The following PER2 variants were observed in gnomAD, a reference collection of about 807,000 sequenced individuals.
PER2 encodes the protein period circadian regulator 2, also known as period circadian protein homolog 2.
PER2 carries 66 observed loss-of-function variants against 121.0 expected under a neutral mutation model. That is an observed-to-expected ratio of 0.55 (90% confidence interval 0.45 to 0.67). PER2 has a LOEUF of 0.67. PER2 is among the 30% of genes least tolerant of loss of function. The pLI, the probability that PER2 is intolerant of heterozygous loss-of-function variation, is 0.00. For synonymous variants in PER2, 684 were observed against 659.9 expected, an observed-to-expected ratio of 1.04 and a Z score of -0.56; for missense variants, 1,521 against 1,635.0, an observed-to-expected ratio of 0.93 and a Z score of 1.20.
chr2:238,282,166 T>C (rs1676121506), intron 1 of PER2, among the ~76,000 whole-genome samples: 2 of 152,214 alleles, frequency 1.3e-5, no homozygotes, highest in African/African-American at 4.8e-5. Context: ...CTCCTGGGCA[T>C]GTCCTGTTAA....
chr2:238,288,882 G>T (rs1445688036), upstream of PER2, among the ~76,000 whole-genome samples: 1 of 152,018 alleles, frequency 6.6e-6, no homozygotes, highest in Non-Finnish European at 1.5e-5. Flanking sequence ...ATGAGGGGCG[G>T]GGCCTACGAA....
At chr2:238,294,689 A>G (rs779133374), upstream of PER2, among the ~76,000 whole-genome samples, 3 of 152,206 alleles carry the variant, frequency 2.0e-5, no homozygotes, top group Non-Finnish European at 2.9e-5. Context: ...TATGTCATCA[A>G]GGAGAAACCA....
Position 238,277,205 on chromosome 2 carries a change from A to G in PER2, c.231-12T>C, listed in dbSNP as rs1696482399. 6.2e-7 allele frequency: 1 copy of G among 1,602,622 alleles called. No homozygotes were observed. The highest frequency in any genetic ancestry group is 8.5e-7 in the Non-Finnish European group (1 of 1,169,648). On this transcript the variant is annotated splice_polypyrimidine_tract_variant and intron_variant, in intron 2 of 22. Coordinates refer to ENST00000254657, the MANE Select transcript of PER2 (RefSeq NM_022817.3). ...TAAAGGTATCTGGACTATGAAAACA[A>G]AAAATAAAAGCAAAATTTAGACAAT... is the stretch of plus-strand genomic sequence containing the variant.
At chr2:238,283,081 C>T (rs774662441) in intron 1 of PER2, among the ~76,000 whole-genome samples, 4 of 152,208 alleles carry the variant, frequency 2.6e-5, no homozygotes, top group South Asian at 2.1e-4. Flanking sequence ...CACTGTCCTG[C>T]CTGCTGCCAA....
At chr2:238,285,942 T>C (rs951214739) in intron 1 of PER2, among the ~76,000 whole-genome samples, 1 of 152,164 alleles carries the variant, frequency 6.6e-6, no homozygotes, top group Non-Finnish European at 1.5e-5. Flanking sequence ...AGAAAATGTT[T>C]GTCCTGCTAA....
intron 14 of PER2, 149 bp downstream of exon 14, chr2:238,259,820 T>G (rs1197498128): frequency 3.3e-6 from 2 of 613,636 alleles, no homozygotes; most frequent in African/African-American, 3.7e-5. Context: ...TCTTGGAAGC[T>G]GCAGACTGTG....
In PER2 at chr2:238,277,882, C is replaced by T. The variant is rs1696505445; in HGVS notation, c.55G>A (p.Val19Met). 1 of 1,614,014 alleles carries T rather than the reference C, an allele frequency of 6.2e-7. No homozygotes were observed. Among genetic ancestry groups the T allele is most frequent in the Admixed American group, 1.7e-5 (1 of 60,006 alleles). ...PSPSNPTKEP[V>M]EPQPSQVPLQ... is the part of the protein sequence containing the mutation. ...GGGACCTGGCTGGGCTGGGGCTCCA[C>T]GGGCTCCTTGGTGGGGTTACTGGGG... The change falls in exon 2 of 23, where the codon GTG (valine) becomes ATG (methionine). Residue 19 changes from valine (V) to methionine (M), a missense_variant. Physicochemically the swap from Val to Met is conservative, Grantham distance 21 (BLOSUM62 1). Transcript: ENST00000254657.
intron 18 of PER2, 85 bp downstream of exon 18, chr2:238,255,572 T>C (rs1474878985): frequency 1.6e-5 from 21 of 1,344,464 alleles, no homozygotes; most frequent in Non-Finnish European, 1.9e-5. Context: ...ACTGGACACA[T>C]TTCACATTTT....
Position 238,253,164 on chromosome 2 carries a change from G to C in PER2, c.2859C>G (p.Thr953=), listed in dbSNP as rs145633419. ...AAGCACATGGCTGTCTGGGGATCGA[G>C]GTCCGGCTGGGGAACTCAGGCTGTG... ...SASQPEFPSR[T]SIPRQPCACP... is the part of the protein sequence containing the mutation. The change falls in exon 19 of 23, where the codon ACC becomes ACG. Residue 953 remains threonine, a synonymous_variant. Coordinates refer to ENST00000254657, the MANE Select transcript of PER2 (RefSeq NM_022817.3). The surrounding 1 kb of genome is among the most constrained non-coding windows in gnomAD (Gnocchi z 5.6). 6.3e-7 allele frequency: 1 copy of C among 1,595,632 alleles called. No homozygotes were observed. Among genetic ancestry groups the C allele is most frequent in the South Asian group, 1.1e-5 (1 of 89,004 alleles).
chr2:238,252,088 T>C lies in PER2; in HGVS notation c.3112-327A>G, dbSNP rs563167408. Among the ~76,000 whole-genome samples the C allele has an allele frequency of 5.3e-5, 8 of 152,016 alleles. No homozygotes were observed. Among genetic ancestry groups the C allele is most frequent in the Non-Finnish European group, 1.0e-4 (7 of 67,962 alleles). Reference sequence around the variant, plus strand: ...GCCCCCTCCTCACATGCAGCAGACATGGATGGGGAAAACGCCTCTCACAGC... The same window carrying C: ...GCCCCCTCCTCACATGCAGCAGACACGGATGGGGAAAACGCCTCTCACAGC... On this transcript the variant is annotated intron_variant, in intron 19 of 22. Coordinates refer to ENST00000254657, the MANE Select transcript of PER2 (RefSeq NM_022817.3). The surrounding 1 kb of genome is among the most constrained non-coding windows in gnomAD (Gnocchi z 4.2).
chr2:238,270,376 A>T (rs1696245598), intron 6 of PER2, among the ~76,000 whole-genome samples: 1 of 152,178 alleles, frequency 6.6e-6, no homozygotes, highest in Non-Finnish European at 1.5e-5. Context: ...CTAATAGTTG[A>T]AAGGGATTTA....
chr2:238,246,565 ATC>A lies in PER2; in HGVS notation c.3619-43_3619-42del, dbSNP rs558518376. 7,554 of 1,420,016 alleles carry A rather than the reference ATC, an allele frequency of 5.3e-3. 22 individuals are homozygous for A. The highest frequency in any genetic ancestry group is 6.9e-3 in the Non-Finnish European group (6,965 of 1,011,134). The allele number at this position is 1,420,016 out of a possible 1,614,324, so 88.0% of individuals were successfully genotyped here. A position where few individuals can be genotyped will look rare whatever the true frequency, so the allele number is the denominator to read the frequency against. On this transcript the variant is annotated intron_variant, in intron 22 of 22. Coordinates refer to ENST00000254657, the MANE Select transcript of PER2 (RefSeq NM_022817.3). ...AAGAGAAATCAGTAACAAACTTGAG[ATC>A]TGAGTTGTTACAAAAGTCATTCAAA... is the stretch of plus-strand genomic sequence containing the variant.
chr2:238,285,794 C>CACTAGCTTGGCTTCTTGCA (rs1559338600), intron 1 of PER2, among the ~76,000 whole-genome samples: 1 of 152,144 alleles, frequency 6.6e-6, no homozygotes, highest in African/African-American at 2.4e-5. Context: ...TGCCTGTTTT[C>CACTAGCTTGGCTTCTTGCA]GAACTTTACA....
At chr2:238,248,902 G>C in intron 22 of PER2, 160 bp downstream of exon 22, 3 of 765,400 alleles carry the variant, frequency 3.9e-6, no homozygotes, top group Non-Finnish European at 7.0e-6. Context: ...TGATCCACCC[G>C]CTTCGGCCTC....
chr2:238,270,020 T>C (rs1696236445), intron 6 of PER2, among the ~76,000 whole-genome samples: 2 of 152,220 alleles, frequency 1.3e-5, no homozygotes, highest in Admixed American at 1.3e-4. Context: ...AAGACTGGGA[T>C]CCAGTCTTGT....
chr2:238,257,173 G>A (rs923814229), intron 16 of PER2, 87 bp from the exon 17 acceptor site: 70 of 1,234,380 alleles, frequency 5.7e-5, no homozygotes, highest in Admixed American at 4.3e-4. Context: ...TGCCCATACA[G>A]CTTCCACACC....
At chr2:238,289,348 G>A (rs963998508), upstream of PER2, 2 of 152,242 alleles carry the variant, frequency 1.3e-5, no homozygotes, top group Non-Finnish European at 2.9e-5. Context: ...AGGAGAAGGT[G>A]GCAGCACCGC....
chr2:238,259,503 A>G (rs943077522), intron 14 of PER2, among the ~76,000 whole-genome samples: 2 of 152,230 alleles, frequency 1.3e-5, no homozygotes, highest in African/African-American at 4.8e-5. Flanking sequence ...TCCCCACTTC[A>G]GACAGGTTTG....
intron 10 of PER2, 99 bp from the exon 11 acceptor site, chr2:238,262,443 G>A: frequency 8.5e-7 from 1 of 1,171,336 alleles, no homozygotes; most frequent in Non-Finnish European, 1.3e-6. Context: ...AGGATCATTT[G>A]CAAACTGTAG....
Sources: allele counts gnomAD v4.1 joint callset (sites outside exome capture counted in the v4.1 genomes callset), GRCh38; gene constraint gnomAD v4.1.1; non-coding constraint Gnocchi (gnomAD v3.1); transcripts MANE v1.5; gene names NCBI Gene and HGNC (gene_info 2026-07-23, HGNC 2026-07-21).